The following CSMD1 variants were observed in gnomAD, a reference collection of about 807,000 sequenced individuals.
CSMD1 encodes the protein CUB and sushi domain-containing protein 1.
A neutral mutation model predicts 417.5 loss-of-function variants in CSMD1; 213 were observed. The observed-to-expected ratio is 0.51, with a 90% CI of 0.46 to 0.57. The LOEUF (loss-of-function observed/expected upper bound fraction) is 0.57. Among genes scored for constraint, CSMD1 ranks in the 20% least tolerant of loss-of-function variants. CSMD1 has a pLI of 0.00. For synonymous variants in CSMD1, 2,862 were observed against 1,736.8 expected (o/e 1.65, Z -16.11); for missense variants, 6,923 against 4,529.7 (o/e 1.53, Z -15.17).
intron 2 of CSMD1, among the ~76,000 whole-genome samples, chr8:4,589,462 T>C (rs1563313969): frequency 6.6e-6 from 1 of 152,204 alleles, no homozygotes; most frequent in Admixed American, 6.5e-5. Flanking sequence ...TTAAGTTAAG[T>C]AAGACAAACT....
chr8:4,162,501 C>T (rs1046129447), intron 3 of CSMD1, among the ~76,000 whole-genome samples: 1 of 152,106 alleles, frequency 6.6e-6, no homozygotes, highest in Non-Finnish European at 1.5e-5. Context: ...TTTTGATCCT[C>T]ATAAATCTAA....
chr8:3,214,952 C>T (rs1409530137), intron 29 of CSMD1, among the ~76,000 whole-genome samples: 8 of 151,914 alleles, frequency 5.3e-5, no homozygotes, highest in East Asian at 1.9e-4. Context: ...ATAAAATTAC[C>T]TTCATCTACA....
chr8:3,714,134 G>C (rs555020862), intron 6 of CSMD1, among the ~76,000 whole-genome samples: 2 of 149,658 alleles, frequency 1.3e-5, no homozygotes, highest in East Asian at 2.0e-4. Flanking sequence ...TAACATATAA[G>C]TTTATACGTA....
chr8:3,374,031 C>T (rs1214939531), intron 18 of CSMD1, among the ~76,000 whole-genome samples: 2 of 150,396 alleles, frequency 1.3e-5, no homozygotes, highest in Non-Finnish European at 2.9e-5. Context: ...TGGCTCACTG[C>T]AACCTCTGCC....
At chr8:4,909,502 A>G (rs918233422) in intron 1 of CSMD1, among the ~76,000 whole-genome samples, 12 of 152,136 alleles carry the variant, frequency 7.9e-5, no homozygotes, top group Non-Finnish European at 1.8e-4. Context: ...ATTTTTCCCT[A>G]AAGAGAAAGC....
At chr8:4,692,193 C>T (rs1806812190) in intron 1 of CSMD1, among the ~76,000 whole-genome samples, 1 of 152,162 alleles carries the variant, frequency 6.6e-6, no homozygotes, top group Non-Finnish European at 1.5e-5. Flanking sequence ...CCTGACCTCA[C>T]AGGGAAATCA....
At chr8:4,608,965 C>A (rs1801024622) in intron 2 of CSMD1, among the ~76,000 whole-genome samples, 1 of 150,534 alleles carries the variant, frequency 6.6e-6, no homozygotes, top group Non-Finnish European at 1.5e-5. Context: ...CAATGTTATA[C>A]TTTTTCCTGC....
intron 3 of CSMD1, among the ~76,000 whole-genome samples, chr8:4,091,250 G>A (rs1800706009): frequency 6.6e-6 from 1 of 151,794 alleles, no homozygotes; most frequent in Non-Finnish European, 1.5e-5. Context: ...TAATGAGGAT[G>A]CAAATTAGAA....
rs74757146 is a variant in CSMD1 at position 3,758,912 on chromosome 8, G to C, written c.819-4870C>G. 6.8e-3 allele frequency among the ~76,000 whole-genome samples: 1,039 copies of C among 152,302 alleles called. 42 individuals carry two copies. The highest frequency in any genetic ancestry group is 0.055 in the Admixed American group (848 of 15,290). ...GTGGAAGACAGAGGCAGGAGGACAA[G>C]GTTCCAGGTAGAAGAGCCTGTGGAC... On this transcript the variant is annotated intron_variant, in intron 5 of 69. Coordinates refer to ENST00000635120, the MANE Select transcript of CSMD1 (RefSeq NM_033225.6).
At chr8:3,523,825 G>T (rs934738194) in intron 10 of CSMD1, among the ~76,000 whole-genome samples, 1 of 119,942 alleles carries the variant, frequency 8.3e-6, no homozygotes, top group South Asian at 2.6e-4. Context: ...ACGCACATAT[G>T]CATGCACACC....
At chr8:4,091,499 C>G (rs1050549817) in intron 3 of CSMD1, among the ~76,000 whole-genome samples, 32 of 152,194 alleles carry the variant, frequency 2.1e-4, no homozygotes, top group Non-Finnish European at 7.3e-5. Flanking sequence ...TACTTATATG[C>G]TGCATTGCTG....
chr8:4,414,903 TGG>T (rs1796844481), intron 3 of CSMD1, among the ~76,000 whole-genome samples: 1 of 152,196 alleles, frequency 6.6e-6, no homozygotes. Context: ...TTAAGTGCTC[TGG>T]GAATTCAGAA....
chr8:4,477,212 G>A (rs546035180), intron 2 of CSMD1, among the ~76,000 whole-genome samples: 1 of 152,218 alleles, frequency 6.6e-6, no homozygotes, highest in Admixed American at 6.5e-5. Flanking sequence ...CAGCCCAGGT[G>A]AGAGGGCTCC....
intron 55 of CSMD1, among the ~76,000 whole-genome samples, chr8:2,976,282 T>C (rs897458928): frequency 6.6e-6 from 1 of 152,140 alleles, no homozygotes; most frequent in East Asian, 1.9e-4. Context: ...GTGCTAAAAC[T>C]GAAAAGGCAA....
At chr8:4,598,381 C>G (rs1800393808) in intron 2 of CSMD1, among the ~76,000 whole-genome samples, 1 of 152,150 alleles carries the variant, frequency 6.6e-6, no homozygotes, top group African/African-American at 2.4e-5. Context: ...GATATTAGCT[C>G]TAACAGGTGG....
chr8:4,745,433 A>T (rs900495508), intron 1 of CSMD1, among the ~76,000 whole-genome samples: 1 of 152,296 alleles, frequency 6.6e-6, no homozygotes. Flanking sequence ...ATGACTATGT[A>T]TAGTATTGAA....
chr8:3,713,206 T>C (rs1016687287), intron 6 of CSMD1, among the ~76,000 whole-genome samples: 1 of 152,192 alleles, frequency 6.6e-6, no homozygotes, highest in African/African-American at 2.4e-5. Flanking sequence ...TTTTGTTGTG[T>C]CATTTACTTT....
chr8:3,791,510 A>T (rs751085204), intron 5 of CSMD1, among the ~76,000 whole-genome samples: 5 of 152,330 alleles, frequency 3.3e-5, no homozygotes, highest in Admixed American at 6.5e-5. Flanking sequence ...CTCTACAACA[A>T]GGGTATGGAC....
At position 4,993,854 on chromosome 8, in the gene CSMD1, A is replaced by G. The variant is rs1045338701; in HGVS notation, c.85+478T>C. 9.9e-5 allele frequency among the ~76,000 whole-genome samples: 15 copies of G among 152,058 alleles called. No homozygotes were observed. The East Asian group carries it at 1.2e-3, about 12-fold the overall frequency. On this transcript the variant is annotated intron_variant, in intron 1 of 69. Coordinates refer to ENST00000635120, the MANE Select transcript of CSMD1 (RefSeq NM_033225.6). ...GCCGGGCCGGCGGAGACCTTTGCCT[A>G]TTGGTACCAAAACCCCCGTAGAGAG... is the stretch of plus-strand genomic sequence containing the variant.
Sources: allele counts gnomAD v4.1 joint callset (sites outside exome capture counted in the v4.1 genomes callset), GRCh38; gene constraint gnomAD v4.1.1; transcripts MANE v1.5; gene names NCBI Gene and HGNC (gene_info 2026-07-23, HGNC 2026-07-21).